Variants in DNAH8 observed in about 807,000 individuals in gnomAD.
DNAH8 encodes dynein axonemal heavy chain 8.
In DNAH8, 382 loss-of-function variants were observed where a neutral mutation model predicts 562.1. That is an observed-to-expected ratio of 0.68 (90% CI 0.63 to 0.74). The LOEUF (loss-of-function observed/expected upper bound fraction) is 0.74, where lower values mean the gene tolerates loss of function less well. DNAH8 is among the 30% of genes least tolerant of loss of function. The probability of loss-of-function intolerance (pLI) is 0.00; values close to 1 mark genes in which losing one functional copy is unlikely to be tolerated. For missense variants in DNAH8, 5,203 were observed against 5,620.4 expected, an observed-to-expected ratio of 0.93 and a Z score of 2.37; for synonymous variants, 1,881 against 1,919.4, an observed-to-expected ratio of 0.98 and a Z score of 0.52.
At chr6:38,852,206 TGA>T (rs1775803478) in intron 39 of DNAH8, among the ~76,000 whole-genome samples, 1 of 152,152 alleles carries the variant, frequency 6.6e-6, no homozygotes, top group Non-Finnish European at 1.5e-5. Context: ...CGTAGCAAAC[TGA>T]GAGTGGGAGG....
chr6:38,914,021 G>C, intron 67 of DNAH8, 69 bp downstream of exon 67: 2 of 1,205,578 alleles, frequency 1.7e-6, no homozygotes, highest in Non-Finnish European at 1.2e-6. Flanking sequence ...GTTTTAAAAT[G>C]GTACTAAAGA....
At chr6:38,823,717 T>C in intron 28 of DNAH8, 29 bp downstream of exon 28, 1 of 1,526,140 alleles carries the variant, frequency 6.6e-7, no homozygotes, top group Non-Finnish European at 9.0e-7. Flanking sequence ...TTATGTAAAG[T>C]ATCTGTACTT....
chr6:38,751,286 A>G (rs1765428339), intron 9 of DNAH8, among the ~76,000 whole-genome samples: 1 of 152,234 alleles, frequency 6.6e-6, no homozygotes, highest in Non-Finnish European at 1.5e-5. Flanking sequence ...AAGAGTGAGC[A>G]AGAGAATGAG....
chr6:38,862,423 A>G lies in DNAH8; in HGVS notation c.6275A>G (p.Gln2092Arg). ...KYVVVFNCSDQMDFRGLGRIF... is the reference protein window; with the variant it reads ...KYVVVFNCSDRMDFRGLGRIF... ...GTGGTCGTGTTCAATTGCTCAGATC[A>G]AATGGATTTCAGAGGCCTAGGAAGG... is the stretch of plus-strand genomic sequence containing the variant. The change falls in exon 44 of 93, where the codon CAA becomes CGA. Residue 2092 changes from glutamine to arginine, a missense_variant. Gln to Arg is a conservative substitution (Grantham distance 43, BLOSUM62 1). Transcript: ENST00000327475. The G allele has an allele frequency of 1.2e-6, 2 of 1,613,856 alleles. No homozygotes were observed. The highest frequency in any genetic ancestry group is 1.7e-6 in the Non-Finnish European group (2 of 1,179,854).
At chr6:38,923,734 A>T (rs1166473866) in intron 72 of DNAH8, among the ~76,000 whole-genome samples, 1 of 152,200 alleles carries the variant, frequency 6.6e-6, no homozygotes, top group Non-Finnish European at 1.5e-5. Flanking sequence ...CTTTCCTCAC[A>T]GTATCAAGGC....
intron 11 of DNAH8, chr6:38,762,975 A>T (rs527812286): frequency 1.7e-5 from 6 of 363,400 alleles, no homozygotes; most frequent in South Asian, 1.4e-4. Flanking sequence ...AAGAATCAGG[A>T]TCATTATGCA....
chr6:38,715,960 A>ATATATATT (rs1372342002), intron 1 of DNAH8, among the ~76,000 whole-genome samples: 3 of 23,626 alleles, frequency 1.3e-4, no homozygotes, highest in African/African-American at 3.6e-4. Flanking sequence ...ATATATATAT[A>ATATATATT]TTTTTTTTTT....
chr6:38,906,167 A>G lies in DNAH8; in HGVS notation c.9195-87A>G, dbSNP rs1392007898. ...CGTGATCCACCCGCCTTGGCCTCCC[A>G]AAGTGCTGGGATTACAGGTGTGAGC... is the stretch of plus-strand genomic sequence containing the variant. On this transcript the variant is annotated intron_variant, in intron 62 of 92. Transcript: ENST00000327475. 5.1e-6 allele frequency: 4 copies of G among 777,552 alleles called. No homozygotes were observed. In the African/African-American group the frequency reaches 5.3e-5, roughly 10 times the overall value. 48.2% of individuals were successfully genotyped at this position (777,552 alleles called of 1,614,324 possible).
rs1182345838 is a variant in DNAH8, at chr6:38,899,822, G to C, written c.9110G>C (p.Gly3037Ala). ...TCGTGTGGAAATGCATTGCTGGTGG[G>C]TGTTGGTGGTTCCGGAAAACAAAGT... ...RTSCGNALLVGVGGSGKQSLS... is the reference protein window; with the variant it reads ...RTSCGNALLVAVGGSGKQSLS... The change falls in exon 62 of 93, where the codon GGT (glycine) becomes GCT (alanine). Residue 3037 changes from glycine (G) to alanine (A), a missense_variant. Gly to Ala is a moderately conservative substitution (Grantham distance 60). Around this residue, in one of 6 missense-constraint regions of DNAH8, gnomAD observed 977 missense variants for 1,061.8 expected, o/e 0.92. Transcript: ENST00000327475. 1.2e-6 allele frequency: 2 copies of C among 1,613,142 alleles called. No individual in the cohort carries two copies. The highest frequency in any genetic ancestry group is 2.2e-5 in the East Asian group (1 of 44,810).
At chr6:38,734,424 A>G (rs762343846) in intron 4 of DNAH8, 50 bp from the exon 5 acceptor site, 12 of 1,569,488 alleles carry the variant, frequency 7.6e-6, no homozygotes, top group Admixed American at 1.8e-5. Context: ...AACTTATCTC[A>G]TTTGATTAGT....
intron 62 of DNAH8, 70 bp downstream of exon 62, chr6:38,899,976 A>G: frequency 7.6e-7 from 1 of 1,311,756 alleles, no homozygotes. Flanking sequence ...TTAGAAAAAA[A>G]GGAAGCACAA....
At chr6:38,867,981 A>T in intron 47 of DNAH8, 81 bp from the exon 48 acceptor site, 1 of 1,405,902 alleles carries the variant, frequency 7.1e-7, no homozygotes, top group Non-Finnish European at 9.7e-7. Context: ...ATCAGAATCG[A>T]CCTATATGCA....
At chr6:38,740,336 G>A (rs1204467057) in intron 7 of DNAH8, among the ~76,000 whole-genome samples, 1 of 152,126 alleles carries the variant, frequency 6.6e-6, no homozygotes, top group Non-Finnish European at 1.5e-5. Flanking sequence ...CCATGAACAT[G>A]ATATACCTCC....
chr6:38,886,898 GATC>G lies in DNAH8; in HGVS notation c.8368_8370del (p.Ile2790del). 6.2e-7 allele frequency: 1 copy of G among 1,613,832 alleles called. No individual in the cohort carries two copies. Among genetic ancestry groups the G allele is most frequent in the Non-Finnish European group, 8.5e-7 (1 of 1,179,704 alleles). On this transcript the variant is annotated inframe_deletion, in exon 57 of 93. Transcript: ENST00000327475. Reference sequence around the variant, plus strand: ...TTGATGTGCAGCTCATAGCAGCAATGATCCACCCTGGAGGTGGTCGAAATGATA... The same window carrying G: ...TTGATGTGCAGCTCATAGCAGCAATGCACCCTGGAGGTGGTCGAAATGATA...
chr6:38,957,904 C>T (rs1050359188), intron 82 of DNAH8, among the ~76,000 whole-genome samples: 2 of 144,398 alleles, frequency 1.4e-5, no homozygotes, highest in Admixed American at 1.4e-4. Flanking sequence ...CACAAATAAC[C>T]TAATGTTGCA....
intron 11 of DNAH8, among the ~76,000 whole-genome samples, chr6:38,762,188 T>C (rs1766588999): frequency 6.6e-6 from 1 of 152,210 alleles, no homozygotes; most frequent in Non-Finnish European, 1.5e-5. Flanking sequence ...AGACAATGTT[T>C]CTAACGTTTC....
chr6:38,735,712 TAA>T (rs1230845506), intron 5 of DNAH8, among the ~76,000 whole-genome samples: 1 of 152,348 alleles, frequency 6.6e-6, no homozygotes, highest in African/African-American at 2.4e-5. Flanking sequence ...TGAAATAGTA[TAA>T]GTCTTTCATA....
At chr6:38,782,947 T>G in intron 16 of DNAH8, 57 bp from the exon 17 acceptor site, 1 of 1,460,616 alleles carries the variant, frequency 6.8e-7, no homozygotes, top group Non-Finnish European at 9.5e-7. Flanking sequence ...TTTCATTATT[T>G]GGATATAAAA....
At chr6:38,850,108 GA>G (rs11431960) in intron 37 of DNAH8, 142 bp from the exon 38 acceptor site, 7 of 651,268 alleles carry the variant, frequency 1.1e-5, no homozygotes, top group Non-Finnish European at 1.2e-5. Context: ...TAATTCAAAT[GA>G]AAAAAAATTG....
Sources: gnomAD v4.1 joint callset for allele counts (sites outside exome capture counted in the v4.1 genomes callset) on GRCh38, gnomAD v4.1.1 for gene constraint, gnomAD v4.1.1 regional missense constraint, MANE v1.5 for transcripts, NCBI Gene and HGNC (gene_info 2026-07-23, HGNC 2026-07-21) for gene names.